The following JADE2 variants were observed in gnomAD, a reference collection of about 807,000 sequenced individuals.
JADE2 encodes the protein E3 ubiquitin-protein ligase Jade-2.
JADE2 carries 13 observed loss-of-function variants against 85.7 expected under a neutral mutation model. The observed-to-expected ratio is 0.15, with a 90% CI of 0.10 to 0.24. The LOEUF is 0.24. Ranked by LOEUF, JADE2 falls within the 10% of genes least tolerant of loss-of-function variation. The probability of loss-of-function intolerance (pLI) is 1.00; values close to 1 mark genes in which losing one functional copy is unlikely to be tolerated. For missense variants in JADE2, 846 were observed against 1,115.9 expected, an observed-to-expected ratio of 0.76 and a Z score of 3.45; for synonymous variants, 440 against 456.1, an observed-to-expected ratio of 0.96 and a Z score of 0.45.
At chr5:134,524,332 A>G (rs1760683132), upstream of JADE2, 1 of 152,448 alleles carries the variant, frequency 6.6e-6, no homozygotes. Context: ...AGGCCCCGCC[A>G]CCGCCGGCTA....
At chr5:134,560,678 A>T in intron 5 of JADE2, 68 bp from the exon 6 acceptor site, 1 of 1,385,852 alleles carries the variant, frequency 7.2e-7, no homozygotes, top group Non-Finnish European at 1.0e-6. Flanking sequence ...TCCAGGAGCC[A>T]AGTCCTCTTC....
At chr5:134,567,992 T>G (rs1763753581) in intron 9 of JADE2, among the ~76,000 whole-genome samples, 2 of 152,198 alleles carry the variant, frequency 1.3e-5, no homozygotes, top group Non-Finnish European at 2.9e-5. Context: ...GGACCGAAGC[T>G]GCTTCCAGAG....
At chr5:134,533,155 G>A (rs1461437754) in intron 1 of JADE2, among the ~76,000 whole-genome samples, 1 of 152,114 alleles carries the variant, frequency 6.6e-6, no homozygotes, top group East Asian at 1.9e-4. Context: ...ACTGTATAGG[G>A]TCACTGCCTC....
At chr5:134,555,791 G>A (rs1306640246) in intron 4 of JADE2, among the ~76,000 whole-genome samples, 4 of 152,242 alleles carry the variant, frequency 2.6e-5, no homozygotes, top group Non-Finnish European at 5.9e-5. Flanking sequence ...GCAGAATTGT[G>A]TTGGACCGAG....
At chr5:134,564,461 G>A in intron 7 of JADE2, 33 bp from the exon 8 acceptor site, 1 of 1,431,264 alleles carries the variant, frequency 7.0e-7, no homozygotes, top group Non-Finnish European at 9.5e-7. Flanking sequence ...CTGGGGATGA[G>A]AGGAATGATG....
chr5:134,571,031 G>A (rs770206528), intron 9 of JADE2, among the ~76,000 whole-genome samples: 24 of 152,252 alleles, frequency 1.6e-4, no homozygotes, highest in Non-Finnish European at 3.1e-4. Flanking sequence ...CCAAGGTTGA[G>A]GTGTCAGCAG....
intron 8 of JADE2, among the ~76,000 whole-genome samples, 166 bp from the exon 9 acceptor site, chr5:134,565,950 C>T (rs561535535): frequency 6.6e-6 from 1 of 152,010 alleles, no homozygotes; most frequent in African/African-American, 2.4e-5. Flanking sequence ...TCCTCCTCCC[C>T]TGCCGTAACT....
intron 4 of JADE2, among the ~76,000 whole-genome samples, chr5:134,553,152 G>A (rs975018147): frequency 2.0e-5 from 3 of 151,732 alleles, no homozygotes; most frequent in South Asian, 2.1e-4. Flanking sequence ...TTGATTGTTC[G>A]TAGAGACAAG....
chr5:134,571,800 C>T (rs1005474520), intron 9 of JADE2, among the ~76,000 whole-genome samples: 33 of 152,346 alleles, frequency 2.2e-4, no homozygotes, highest in African/African-American at 7.2e-4. Flanking sequence ...CCTCACTGCT[C>T]CCTTCAGATT....
At chr5:134,531,069 G>A (rs1217127625) in intron 1 of JADE2, among the ~76,000 whole-genome samples, 1 of 152,130 alleles carries the variant, frequency 6.6e-6, no homozygotes, top group Non-Finnish European at 1.5e-5. Flanking sequence ...GACACTGGGT[G>A]GTGAATTTCT....
chr5:134,535,780 G>A (rs1581398602), intron 1 of JADE2, 78 bp from the exon 2 acceptor site: 2 of 1,188,792 alleles, frequency 1.7e-6, no homozygotes, highest in Non-Finnish European at 2.5e-6. Context: ...TGGGGAGGTT[G>A]GTTATGGGGT....
intron 1 of JADE2, among the ~76,000 whole-genome samples, chr5:134,530,347 T>A (rs546799326): frequency 1.2e-4 from 18 of 152,394 alleles, no homozygotes; most frequent in African/African-American, 3.6e-4. Flanking sequence ...AAAGATTGTG[T>A]CTGGAATGGT....
chr5:134,566,223 A>C lies in JADE2; in HGVS notation c.1077A>C (p.Ser359=). The change falls in exon 9 of 12, where the codon TCA becomes TCC. Residue 359 remains serine, a synonymous_variant. Transcript: ENST00000681547. This position sits in a 1 kb window ranked among gnomAD's most constrained non-coding sequence, Gnocchi z 6.7. ...LADNDEVKFK[S]FCQEHSDGGP... ...ACAACGATGAGGTCAAGTTCAAGTCATTCTGCCAGGAGCACAGTGACGGGG... is the reference window on the plus strand; with the variant it reads ...ACAACGATGAGGTCAAGTTCAAGTCCTTCTGCCAGGAGCACAGTGACGGGG... 1.9e-6 allele frequency: 3 copies of C among 1,614,108 alleles called. No homozygotes were observed. The highest frequency in any genetic ancestry group is 2.5e-6 in the Non-Finnish European group (3 of 1,180,020).
At chr5:134,558,856 C>T (rs1259416964) in intron 4 of JADE2, among the ~76,000 whole-genome samples, 1 of 152,230 alleles carries the variant, frequency 6.6e-6, no homozygotes, top group Non-Finnish European at 1.5e-5. Flanking sequence ...TTATTATTAA[C>T]CCATTTTGGG....
rs779958194 is a variant in JADE2 at position 134,564,592 on chromosome 5, C to T, written c.951C>T (p.Cys317=). The T allele has an allele frequency of 1.1e-5, 17 of 1,555,480 alleles. No individual in the cohort carries two copies. Among genetic ancestry groups the T allele is most frequent in the South Asian group, 2.4e-5 (2 of 84,070 alleles). ...TGTCCTGCAGCCTCTGCAAGGAATG[C>T]ACAGGCACCTGCATCCAGGTATGTG... ...WALSCSLCKE[C]TGTCIQCSMP... The change falls in exon 8 of 12, where the codon TGC becomes TGT. Residue 317 remains cysteine, a synonymous_variant. Transcript: ENST00000681547.
chr5:134,526,313 T>A, intron 1 of JADE2: 1 of 985,134 alleles, frequency 1.0e-6, no homozygotes. Context: ...TCTTTATTAA[T>A]GACTGCGGCA....
At chr5:134,526,412 C>CT (rs1760823644) in intron 1 of JADE2, 1 of 985,304 alleles carries the variant, frequency 1.0e-6, no homozygotes, top group Non-Finnish European at 1.2e-6. Context: ...GGCGTAGGGG[C>CT]TGCGGCGGGA....
intron 10 of JADE2, 130 bp from the exon 11 acceptor site, chr5:134,576,638 C>A: frequency 8.5e-7 from 1 of 1,179,704 alleles, no homozygotes; most frequent in African/African-American, 1.5e-5. Flanking sequence ...CCCCTAACTC[C>A]AACCTTTTTG....
chr5:134,577,288 G>T (rs558132748), intron 11 of JADE2, among the ~76,000 whole-genome samples: 2 of 152,278 alleles, frequency 1.3e-5, no homozygotes, highest in African/African-American at 4.8e-5. Flanking sequence ...CCTCTAAGTG[G>T]GCCCTTCCTG....
Sources: allele counts gnomAD v4.1 joint callset (sites outside exome capture counted in the v4.1 genomes callset), GRCh38; gene constraint gnomAD v4.1.1; non-coding constraint Gnocchi (gnomAD v3.1); transcripts MANE v1.5; gene names NCBI Gene and HGNC (gene_info 2026-07-23, HGNC 2026-07-21).